TMEM132D: variants seen among roughly 807,000 people sequenced by gnomAD.
TMEM132D encodes the protein transmembrane protein 132D.
A neutral mutation model predicts 62.3 loss-of-function variants in TMEM132D; 21 were observed. That is an observed-to-expected ratio of 0.34 (90% CI 0.24 to 0.49). The LOEUF is 0.49. TMEM132D is among the 20% of genes least tolerant of loss of function. The probability of loss-of-function intolerance (pLI) is 0.99; values close to 1 mark genes in which losing one functional copy is unlikely to be tolerated. For missense variants in TMEM132D, 1,346 were observed against 1,402.8 expected, an observed-to-expected ratio of 0.96 and a Z score of 0.65; for synonymous variants, 621 against 575.6, an observed-to-expected ratio of 1.08 and a Z score of -1.13.
chr12:129,776,703 TA>T (rs55761959), intron 1 of TMEM132D, among the ~76,000 whole-genome samples: 103,872 of 150,574 alleles, frequency 0.69, 37,801 homozygotes, highest in Middle Eastern at 0.87. Flanking sequence ...CTTAACCATT[TA>T]TGCAAGTTCT....
intron 1 of TMEM132D, among the ~76,000 whole-genome samples, chr12:129,805,781 G>C (rs575363509): frequency 6.8e-6 from 1 of 146,528 alleles, no homozygotes; most frequent in East Asian, 2.0e-4. Flanking sequence ...GAAAATTTTC[G>C]CAACCTACTC....
intron 1 of TMEM132D, among the ~76,000 whole-genome samples, chr12:129,715,387 G>C (rs940195343): frequency 6.6e-6 from 1 of 152,230 alleles, no homozygotes; most frequent in East Asian, 1.9e-4. Context: ...CGTTTCACGG[G>C]TGGTTCAGAG....
At chr12:129,374,455 T>C (rs1256034357) in intron 3 of TMEM132D, among the ~76,000 whole-genome samples, 2 of 152,088 alleles carry the variant, frequency 1.3e-5, no homozygotes, top group Non-Finnish European at 2.9e-5. Context: ...ACACATTCAG[T>C]GCATAACAGA....
At chr12:129,353,360 T>C (rs1035404883) in intron 3 of TMEM132D, among the ~76,000 whole-genome samples, 27 of 152,066 alleles carry the variant, frequency 1.8e-4, no homozygotes, top group African/African-American at 5.3e-4. Context: ...TCTGTGAGAA[T>C]GAATAAAGAG....
At chr12:129,457,033 G>C (rs892254908) in intron 3 of TMEM132D, among the ~76,000 whole-genome samples, 7 of 151,846 alleles carry the variant, frequency 4.6e-5, no homozygotes, top group Non-Finnish European at 1.5e-5. Context: ...TCAGTGTGGC[G>C]ATTCCTCAGG....
chr12:129,188,762 G>GGAGGGA (rs1443064099), intron 5 of TMEM132D, among the ~76,000 whole-genome samples: 1 of 126,224 alleles, frequency 7.9e-6, no homozygotes, highest in African/African-American at 2.9e-5. Flanking sequence ...AGGGAGAGAG[G>GGAGGGA]GAGAGAGAGA....
intron 1 of TMEM132D, among the ~76,000 whole-genome samples, chr12:129,754,355 T>C (rs894410586): frequency 1.3e-5 from 2 of 151,596 alleles, no homozygotes; most frequent in African/African-American, 4.9e-5. Context: ...AATCAGAGAG[T>C]TGACATGTCT....
intron 5 of TMEM132D, among the ~76,000 whole-genome samples, chr12:129,133,446 T>C (rs2135526085): frequency 6.6e-6 from 1 of 152,362 alleles, no homozygotes; most frequent in Non-Finnish European, 1.5e-5. Context: ...TTTGCAGCAA[T>C]GCAGATGAAC....
At chr12:129,847,884 C>T (rs758259656) in intron 1 of TMEM132D, among the ~76,000 whole-genome samples, 9 of 152,050 alleles carry the variant, frequency 5.9e-5, no homozygotes, top group Non-Finnish European at 1.0e-4. Flanking sequence ...CCCAGACATG[C>T]ATGGGGCAGC....
intron 3 of TMEM132D, among the ~76,000 whole-genome samples, chr12:129,412,312 A>G (rs1007938628): frequency 2.0e-5 from 3 of 152,218 alleles, no homozygotes; most frequent in Non-Finnish European, 4.4e-5. Flanking sequence ...CTAGCTGTCT[A>G]TGCAAAATCC....
chr12:129,882,507 G>A (rs1470072209), intron 1 of TMEM132D, among the ~76,000 whole-genome samples: 1 of 152,122 alleles, frequency 6.6e-6, no homozygotes, highest in Non-Finnish European at 1.5e-5. Flanking sequence ...AGCTTACTAA[G>A]ACAAGTCAGG....
chr12:129,397,032 G>A (rs570581402), intron 3 of TMEM132D, among the ~76,000 whole-genome samples: 8 of 152,254 alleles, frequency 5.3e-5, no homozygotes, highest in South Asian at 2.1e-4. Flanking sequence ...GTTTATGGGT[G>A]AATCTATTTA....
At chr12:129,664,573 C>T (rs983309814) in intron 2 of TMEM132D, among the ~76,000 whole-genome samples, 21 of 151,594 alleles carry the variant, frequency 1.4e-4, no homozygotes, top group African/African-American at 3.9e-4. Context: ...TACAGGCACC[C>T]GCCACCACGC....
intron 1 of TMEM132D, among the ~76,000 whole-genome samples, chr12:129,777,504 G>C (rs866086468): frequency 1.7e-4 from 26 of 152,270 alleles, no homozygotes; most frequent in African/African-American, 6.3e-4. Context: ...CTTCATCCTG[G>C]CTCCTAGCGT....
intron 5 of TMEM132D, among the ~76,000 whole-genome samples, chr12:129,108,181 A>G (rs1236214315): frequency 6.6e-6 from 1 of 152,156 alleles, no homozygotes; most frequent in African/African-American, 2.4e-5. Flanking sequence ...CTGTGGCTCT[A>G]AATAGAATAT....
intron 2 of TMEM132D, among the ~76,000 whole-genome samples, chr12:129,677,810 T>C (rs906610329): frequency 6.7e-6 from 1 of 149,412 alleles, no homozygotes; most frequent in African/African-American, 2.5e-5. Context: ...CTTCCTGTCC[T>C]AAATTTTCTA....
At chr12:129,706,511 C>T (rs888108500) in intron 1 of TMEM132D, among the ~76,000 whole-genome samples, 2 of 151,922 alleles carry the variant, frequency 1.3e-5, no homozygotes, top group African/African-American at 2.4e-5. Flanking sequence ...CTTAAAATTA[C>T]AAGTAGAAAT....
chr12:129,294,326 T>A (rs1283580465), intron 4 of TMEM132D, among the ~76,000 whole-genome samples: 1 of 152,182 alleles, frequency 6.6e-6, no homozygotes. Flanking sequence ...AGTGAAACAA[T>A]GCAATGAAGC....
intron 3 of TMEM132D, among the ~76,000 whole-genome samples, chr12:129,530,227 T>TA (rs1414873763): frequency 5.3e-5 from 8 of 152,120 alleles, no homozygotes; most frequent in African/African-American, 1.4e-4. Flanking sequence ...GAATAAATAA[T>TA]AAAAAATAAG....
Sources: gnomAD v4.1 joint callset for allele counts (sites outside exome capture counted in the v4.1 genomes callset) on GRCh38, gnomAD v4.1.1 for gene constraint, MANE v1.5 for transcripts, NCBI Gene and HGNC (gene_info 2026-07-23, HGNC 2026-07-21) for gene names.